Variants in CCSER1 observed in about 807,000 individuals in gnomAD.
CCSER1 encodes the protein serine-rich coiled-coil domain-containing protein 1.
Under a neutral mutation model 82.0 loss-of-function variants are expected in CCSER1, and 41 were observed. That is an observed-to-expected ratio of 0.50 (90% CI 0.39 to 0.65). The LOEUF (loss-of-function observed/expected upper bound fraction) is 0.65, where lower values mean the gene tolerates loss of function less well. Ranked by LOEUF, CCSER1 falls within the 30% of genes least tolerant of loss-of-function variation. CCSER1 has a pLI of 0.00. For synonymous variants in CCSER1, 414 were observed against 383.9 expected, an observed-to-expected ratio of 1.08 and a Z score of -0.92; for missense variants, 1,119 against 1,064.2, an observed-to-expected ratio of 1.05 and a Z score of -0.72.
intron 8 of CCSER1, among the ~76,000 whole-genome samples, chr4:90,879,868 A>G (rs187942367): frequency 1.1e-4 from 17 of 152,326 alleles, no homozygotes; most frequent in African/African-American, 3.4e-4. Flanking sequence ...TAGATACAGT[A>G]TAGATGCAGT....
chr4:90,682,576 T>G (rs1390325525), intron 6 of CCSER1, among the ~76,000 whole-genome samples: 1 of 152,002 alleles, frequency 6.6e-6, no homozygotes, highest in Admixed American at 6.6e-5. Flanking sequence ...AAATATCAAT[T>G]ATGGAGCCAG....
chr4:91,374,403 T>C (rs1258073101), intron 10 of CCSER1, among the ~76,000 whole-genome samples: 1 of 152,146 alleles, frequency 6.6e-6, no homozygotes, highest in Non-Finnish European at 1.5e-5. Context: ...CATAGGGCCA[T>C]TAAGAATTAT....
At chr4:91,036,312 ATTTGATGATTAAT>A (rs1369706758) in intron 9 of CCSER1, among the ~76,000 whole-genome samples, 1 of 152,176 alleles carries the variant, frequency 6.6e-6, no homozygotes, top group Non-Finnish European at 1.5e-5. Flanking sequence ...TTCAAAATTA[ATTTGATGATTAAT>A]TTTGTGATTA....
At chr4:90,143,950 A>G (rs966444872) in intron 1 of CCSER1, among the ~76,000 whole-genome samples, 1 of 152,140 alleles carries the variant, frequency 6.6e-6, no homozygotes, top group African/African-American at 2.4e-5. Context: ...TCAGCCTCCC[A>G]AAGTGTTGGG....
At chr4:90,417,545 G>A (rs1400022101) in intron 4 of CCSER1, among the ~76,000 whole-genome samples, 1 of 151,946 alleles carries the variant, frequency 6.6e-6, no homozygotes, top group Non-Finnish European at 1.5e-5. Flanking sequence ...ATGATAGAAT[G>A]AAGATATTTT....
At chr4:90,953,494 A>T (rs1316821116) in intron 9 of CCSER1, among the ~76,000 whole-genome samples, 1 of 151,736 alleles carries the variant, frequency 6.6e-6, no homozygotes, top group South Asian at 2.1e-4. Context: ...TCCTAGAAAT[A>T]TTTTAGATAT....
chr4:91,071,340 G>A (rs1028947376), intron 9 of CCSER1, among the ~76,000 whole-genome samples: 9 of 152,310 alleles, frequency 5.9e-5, no homozygotes, highest in Non-Finnish European at 1.3e-4. Context: ...GCAGAAGATT[G>A]TAATATTAAA....
intron 6 of CCSER1, among the ~76,000 whole-genome samples, chr4:90,661,697 G>A (rs957870683): frequency 3.9e-5 from 6 of 152,002 alleles, no homozygotes; most frequent in Non-Finnish European, 8.8e-5. Context: ...AAATATCAGA[G>A]TGTCCTACTT....
chr4:90,204,474 G>A (rs1266851417), intron 1 of CCSER1, among the ~76,000 whole-genome samples: 1 of 152,070 alleles, frequency 6.6e-6, no homozygotes, highest in Non-Finnish European at 1.5e-5. Context: ...GATTGTTTTT[G>A]TGAGGTTTGT....
chr4:91,117,517 G>T (rs935125700), intron 10 of CCSER1, among the ~76,000 whole-genome samples: 1 of 152,216 alleles, frequency 6.6e-6, no homozygotes, highest in Non-Finnish European at 1.5e-5. Flanking sequence ...TGGATGAATA[G>T]AATTACTTTA....
intron 9 of CCSER1, among the ~76,000 whole-genome samples, chr4:91,039,213 T>TTTC (rs1741708635): frequency 2.1e-5 from 1 of 47,752 alleles, no homozygotes; most frequent in Admixed American, 2.3e-4. Flanking sequence ...TCTTTCTTTC[T>TTTC]TTTTTTTTTT....
intron 4 of CCSER1, among the ~76,000 whole-genome samples, chr4:90,457,799 A>G (rs1378282516): frequency 1.3e-5 from 2 of 152,154 alleles, no homozygotes; most frequent in East Asian, 1.9e-4. Context: ...CATCCCTAGC[A>G]TAAAGGTGAG....
At chr4:90,875,976 G>T (rs1767152833) in intron 8 of CCSER1, among the ~76,000 whole-genome samples, 1 of 152,120 alleles carries the variant, frequency 6.6e-6, no homozygotes, top group South Asian at 2.1e-4. Flanking sequence ...GTTTACGATA[G>T]CACATTTTAA....
chr4:91,141,112 T>A (rs1728981144), intron 10 of CCSER1, among the ~76,000 whole-genome samples: 1 of 152,074 alleles, frequency 6.6e-6, no homozygotes, highest in African/African-American at 2.4e-5. Context: ...GATAATGGCC[T>A]CCAGCTCCAT....
chr4:91,418,557 T>C (rs963689659), intron 10 of CCSER1, among the ~76,000 whole-genome samples: 1 of 151,914 alleles, frequency 6.6e-6, no homozygotes, highest in Non-Finnish European at 1.5e-5. Flanking sequence ...TGATCAATAA[T>C]GGGTAAGGAG....
At chr4:90,443,634 T>C (rs985802790) in intron 4 of CCSER1, among the ~76,000 whole-genome samples, 2 of 152,168 alleles carry the variant, frequency 1.3e-5, no homozygotes, top group African/African-American at 2.4e-5. Context: ...TGGGATTACT[T>C]GTTTGCTAAA....
chr4:91,462,867 G>A (rs931806506), intron 10 of CCSER1, among the ~76,000 whole-genome samples: 1 of 152,130 alleles, frequency 6.6e-6, no homozygotes, highest in African/African-American at 2.4e-5. Context: ...CAGGAAGCTT[G>A]AACTGGGTAG....
At position 90,551,706 on chromosome 4, in the gene CCSER1, C is replaced by CTCTA; in HGVS notation, c.1725-76318_1725-76317insCTAT. Among the ~76,000 whole-genome samples the CTCTA allele has an allele frequency of 6.6e-3, 683 of 104,208 alleles. 5 individuals are homozygous for CTCTA. The highest frequency in any genetic ancestry group is 0.017 in the African/African-American group (382 of 21,914). 68.4% of individuals were successfully genotyped at this position (104,208 alleles called of 152,430 possible). A position where few individuals can be genotyped will look rare whatever the true frequency, so the allele number is the denominator to read the frequency against. On this transcript the variant is annotated intron_variant, in intron 5 of 10. Transcript: ENST00000509176. ...TCTCTCTCTCTCTCTCTCTCTCTCT[C>CTCTA]TATATATATATATATATATATGTAA...
At chr4:91,309,838 G>C (rs1249470910) in intron 10 of CCSER1, among the ~76,000 whole-genome samples, 1 of 151,900 alleles carries the variant, frequency 6.6e-6, no homozygotes, top group African/African-American at 2.4e-5. Context: ...TAGTGTATTA[G>C]TTTCCCAGGC....
Sources: gnomAD v4.1 joint callset for allele counts (sites outside exome capture counted in the v4.1 genomes callset) on GRCh38, gnomAD v4.1.1 for gene constraint, MANE v1.5 for transcripts, NCBI Gene and HGNC (gene_info 2026-07-23, HGNC 2026-07-21) for gene names.